Variants in MACROD2 observed in about 807,000 individuals in gnomAD.
MACROD2 encodes mono-ADP ribosylhydrolase 2.
In MACROD2, 36 loss-of-function variants were observed where a neutral mutation model predicts 70.4. The ratio of observed to expected loss-of-function variants is 0.51; its 90% CI spans 0.39 to 0.68. The LOEUF is 0.68. Ranked by LOEUF, MACROD2 falls within the 30% of genes least tolerant of loss-of-function variation. The probability of loss-of-function intolerance (pLI) is 0.00; values close to 1 mark genes in which losing one functional copy is unlikely to be tolerated. For missense variants in MACROD2, 496 were observed against 538.4 expected (o/e 0.92, Z 0.78); for synonymous variants, 172 against 178.8 (o/e 0.96, Z 0.30).
At chr20:15,742,481 A>G (rs1188311818) in intron 8 of MACROD2, among the ~76,000 whole-genome samples, 1 of 152,242 alleles carries the variant, frequency 6.6e-6, no homozygotes. Context: ...GCACTGATAG[A>G]CAATAATTTA....
chr20:15,845,382 A>T (rs2064219405), intron 8 of MACROD2, among the ~76,000 whole-genome samples: 1 of 152,182 alleles, frequency 6.6e-6, no homozygotes, highest in Admixed American at 6.6e-5. Context: ...ATGTTTACTA[A>T]GCACACTAGA....
intron 8 of MACROD2, among the ~76,000 whole-genome samples, chr20:15,779,410 G>C: frequency 6.6e-6 from 1 of 152,256 alleles, no homozygotes; most frequent in Non-Finnish European, 1.5e-5. Flanking sequence ...AATGTGAGCT[G>C]TCCATTGAGA....
At chr20:14,257,563 T>C (rs1392504613) in intron 3 of MACROD2, among the ~76,000 whole-genome samples, 2 of 152,158 alleles carry the variant, frequency 1.3e-5, no homozygotes, top group African/African-American at 4.8e-5. Flanking sequence ...TAATACTTAT[T>C]TTCTGTTAAG....
rs562972313 is a variant in MACROD2, at chr20:15,272,831, T to A, written c.540+42770T>A. Among the ~76,000 whole-genome samples, 38 of 152,322 alleles carry A rather than the reference T, an allele frequency of 2.5e-4. 2 individuals carry two copies. The highest frequency in any genetic ancestry group is 8.7e-4 in the African/African-American group (36 of 41,572). ...GCATTTCCAAATAAAGTCTATTTTATATGGAATAGTCTACAGTTGCCAATC... is the reference window on the plus strand; with the variant it reads ...GCATTTCCAAATAAAGTCTATTTTAAATGGAATAGTCTACAGTTGCCAATC... On this transcript the variant is annotated intron_variant, in intron 6 of 17. Transcript: ENST00000684519.
intron 15 of MACROD2, among the ~76,000 whole-genome samples, chr20:16,035,788 A>ATG (rs1264164363): frequency 0.25 from 37,595 of 151,840 alleles, 6,046 homozygotes; most frequent in African/African-American, 0.45. Context: ...ATCCATCCAC[A>ATG]TGAGCTGAGT....
intron 4 of MACROD2, among the ~76,000 whole-genome samples, chr20:14,524,950 T>G (rs1386930313): frequency 6.6e-6 from 1 of 152,148 alleles, no homozygotes; most frequent in Non-Finnish European, 1.5e-5. Context: ...ACCCTATTCT[T>G]ATTGCTTTAT....
intron 5 of MACROD2, among the ~76,000 whole-genome samples, chr20:14,685,307 A>T (rs1247747610): frequency 6.6e-6 from 1 of 152,176 alleles, no homozygotes; most frequent in Non-Finnish European, 1.5e-5. Context: ...CCTGGAAATG[A>T]TGCCAATTTC....
intron 14 of MACROD2, 48 bp downstream of exon 14, chr20:15,986,849 G>C: frequency 7.0e-7 from 1 of 1,430,320 alleles, no homozygotes; most frequent in Non-Finnish European, 9.8e-7. Context: ...ATGAAACTGT[G>C]AATCATGACT....
At position 14,918,427 on chromosome 20, in the gene MACROD2, G is replaced by A. The variant is rs145586972; in HGVS notation, c.418+233468G>A. Among the ~76,000 whole-genome samples the A allele has an allele frequency of 4.5e-3, 692 of 152,258 alleles. 4 individuals are homozygous for A. Among genetic ancestry groups the A allele is most frequent in the African/African-American group, 0.016 (664 of 41,548 alleles). On this transcript the variant is annotated intron_variant, in intron 5 of 17. Transcript: ENST00000684519. The stretch of plus-strand genomic sequence containing the variant: ...AAGGTAAGGTACCATCCAGGCAACC[G>A]GAGGAGGGATTGGCCTTGGCTAGAA...
At chr20:14,734,644 T>G (rs1284865997) in intron 5 of MACROD2, among the ~76,000 whole-genome samples, 1 of 151,510 alleles carries the variant, frequency 6.6e-6, no homozygotes, top group Non-Finnish European at 1.5e-5. Flanking sequence ...TAATAGTAAC[T>G]TTATTAAAAC....
intron 15 of MACROD2, among the ~76,000 whole-genome samples, chr20:16,027,918 C>G (rs2067102386): frequency 6.6e-6 from 1 of 152,172 alleles, no homozygotes; most frequent in Non-Finnish European, 1.5e-5. Flanking sequence ...GTCTTCATTT[C>G]ATTCCAGCCA....
At chr20:15,846,157 T>C (rs942785714) in intron 8 of MACROD2, among the ~76,000 whole-genome samples, 1 of 152,192 alleles carries the variant, frequency 6.6e-6, no homozygotes, top group Admixed American at 6.5e-5. Flanking sequence ...GGAATGCAGT[T>C]TTAAAATAAA....
intron 2 of MACROD2, among the ~76,000 whole-genome samples, chr20:14,060,381 G>A (rs924109757): frequency 2.6e-5 from 4 of 152,048 alleles, no homozygotes; most frequent in African/African-American, 9.7e-5. Flanking sequence ...ATGTAGGAGT[G>A]GAAAACATTA....
intron 6 of MACROD2, among the ~76,000 whole-genome samples, chr20:15,256,861 T>A (rs1163742788): frequency 6.6e-6 from 1 of 152,044 alleles, no homozygotes; most frequent in African/African-American, 2.4e-5. Flanking sequence ...TTTCTTTTTC[T>A]TTTTTCTAGT....
At chr20:14,864,071 G>A (rs1019132299) in intron 5 of MACROD2, among the ~76,000 whole-genome samples, 6 of 152,006 alleles carry the variant, frequency 3.9e-5, no homozygotes, top group African/African-American at 1.2e-4. Context: ...TCCCTTAGGT[G>A]TCCATTTTCT....
chr20:14,597,294 A>G (rs1042131078), intron 4 of MACROD2, among the ~76,000 whole-genome samples: 2 of 152,146 alleles, frequency 1.3e-5, no homozygotes, highest in East Asian at 3.8e-4. Flanking sequence ...TTTGAAACCA[A>G]ATACATCTTA....
intron 3 of MACROD2, among the ~76,000 whole-genome samples, chr20:14,353,950 A>T (rs780115655): frequency 6.6e-6 from 1 of 152,174 alleles, no homozygotes; most frequent in East Asian, 1.9e-4. Context: ...ACCTTTAGGA[A>T]GGAAGAAGGG....
intron 5 of MACROD2, among the ~76,000 whole-genome samples, chr20:14,967,672 T>G (rs952244053): frequency 1.7e-4 from 26 of 152,332 alleles, no homozygotes; most frequent in Non-Finnish European, 8.8e-5. Flanking sequence ...TTAAGTAAAC[T>G]TGCCTATTCC....
intron 5 of MACROD2, among the ~76,000 whole-genome samples, chr20:14,984,838 T>C (rs983909380): frequency 3.9e-5 from 6 of 152,162 alleles, no homozygotes; most frequent in Non-Finnish European, 5.9e-5. Flanking sequence ...CATCTCATGC[T>C]GGGTTTGTAC....
Sources: allele counts gnomAD v4.1 joint callset (sites outside exome capture counted in the v4.1 genomes callset), GRCh38; gene constraint gnomAD v4.1.1; transcripts MANE v1.5; gene names NCBI Gene and HGNC (gene_info 2026-07-23, HGNC 2026-07-21).